Variants in CCDC6 observed in about 807,000 individuals in gnomAD.
CCDC6 encodes coiled-coil domain-containing protein 6.
A neutral mutation model predicts 56.6 loss-of-function variants in CCDC6; 20 were observed. That is an observed-to-expected ratio of 0.35 (90% confidence interval 0.25 to 0.51). The LOEUF (loss-of-function observed/expected upper bound fraction) is 0.51, where lower values mean the gene tolerates loss of function less well. Ranked by LOEUF, CCDC6 falls within the 20% of genes least tolerant of loss-of-function variation. The pLI is 0.95. For synonymous variants in CCDC6, 241 were observed against 234.4 expected, an observed-to-expected ratio of 1.03 and a Z score of -0.26; for missense variants, 367 against 601.1, an observed-to-expected ratio of 0.61 and a Z score of 4.07.
At chr10:59,797,307 T>C (rs553831220) in intron 7 of CCDC6, among the ~76,000 whole-genome samples, 2 of 152,058 alleles carry the variant, frequency 1.3e-5, no homozygotes, top group African/African-American at 4.8e-5. Flanking sequence ...CACAACATTA[T>C]ACTACAGTTA....
chr10:59,862,913 GAAGA>G (rs1286550793), intron 1 of CCDC6, among the ~76,000 whole-genome samples: 1 of 152,038 alleles, frequency 6.6e-6, no homozygotes, highest in East Asian at 1.9e-4. Flanking sequence ...TCCATGTATA[GAAGA>G]AAGCAGTTGT....
intron 7 of CCDC6, among the ~76,000 whole-genome samples, chr10:59,801,995 A>G (rs2070580439): frequency 6.6e-6 from 1 of 152,118 alleles, no homozygotes; most frequent in Non-Finnish European, 1.5e-5. Context: ...ATCGAAACCA[A>G]TGTCTGTGGG....
chr10:59,834,839 G>A (rs2070868088), intron 2 of CCDC6, among the ~76,000 whole-genome samples: 1 of 152,136 alleles, frequency 6.6e-6, no homozygotes, highest in South Asian at 2.1e-4. Context: ...AACAAGAAGA[G>A]TTCCCAGCAC....
Position 59,791,337 on chromosome 10 carries a change from T to A in CCDC6, c.*1580A>T, listed in dbSNP as rs140235548. ...TACTCTCAAGTTCTTAAAACGCTAG[T>A]CAAACACTATTATCCAACAAGACTT... On this transcript the variant is annotated 3_prime_UTR_variant, in exon 9 of 9. Coordinates refer to ENST00000263102, the MANE Select transcript of CCDC6 (RefSeq NM_005436.5). 1.7e-4 allele frequency: 34 copies of A among 200,434 alleles called. No homozygotes were observed. The highest frequency in any genetic ancestry group is 5.8e-4 in the South Asian group (3 of 5,208). 12.4% of individuals were successfully genotyped at this position (200,434 alleles called of 1,614,324 possible).
At position 59,906,488 on chromosome 10, in the gene CCDC6, T is replaced by A; in HGVS notation, c.-64A>T. The A allele has an allele frequency of 7.4e-7, 1 of 1,346,228 alleles. No homozygotes were observed. The highest frequency in any genetic ancestry group is 9.7e-7 in the Non-Finnish European group (1 of 1,033,394). The allele number at this position is 1,346,228 out of a possible 1,614,324, so 83.4% of individuals were successfully genotyped here. A position where few individuals can be genotyped will look rare whatever the true frequency, so the allele number is the denominator to read the frequency against. On this transcript the variant is annotated 5_prime_UTR_variant, in exon 1 of 9. Coordinates refer to ENST00000263102, the MANE Select transcript of CCDC6 (RefSeq NM_005436.5). The stretch of plus-strand genomic sequence containing the variant: ...GAGGCGGCGGCGACGAAGGCCGGGC[T>A]GCGAATGAGTGGGCGCCGGGCGAGC...
At chr10:59,883,485 G>A (rs988827963) in intron 1 of CCDC6, among the ~76,000 whole-genome samples, 16 of 152,188 alleles carry the variant, frequency 1.1e-4, no homozygotes, top group African/African-American at 3.4e-4. Flanking sequence ...TCTCCCTCTC[G>A]CACTGTATTT....
intron 5 of CCDC6, among the ~76,000 whole-genome samples, chr10:59,810,624 T>G (rs1019784979): frequency 1.3e-5 from 2 of 152,210 alleles, no homozygotes; most frequent in Admixed American, 6.5e-5. Context: ...ATATCTCATT[T>G]GATTTCCACC....
At chr10:59,800,612 G>GTTT (rs34676439) in intron 7 of CCDC6, among the ~76,000 whole-genome samples, 99 of 145,238 alleles carry the variant, frequency 6.8e-4, no homozygotes, top group African/African-American at 2.1e-3. Context: ...TTGTATTAAA[G>GTTT]TTTTTTTTTT....
intron 1 of CCDC6, among the ~76,000 whole-genome samples, chr10:59,884,325 G>T (rs76954584): frequency 1.3e-5 from 2 of 152,136 alleles, no homozygotes; most frequent in Admixed American, 6.5e-5. Flanking sequence ...TCGAGACAGC[G>T]ACGACAATAA....
chr10:59,902,075 A>C (rs2071507220), intron 1 of CCDC6, among the ~76,000 whole-genome samples: 1 of 152,226 alleles, frequency 6.6e-6, no homozygotes, highest in Non-Finnish European at 1.5e-5. Context: ...AGGGCAGGCT[A>C]TAACTCACAG....
intron 3 of CCDC6, among the ~76,000 whole-genome samples, chr10:59,823,671 T>C (rs1027017278): frequency 6.8e-6 from 1 of 147,214 alleles, no homozygotes; most frequent in Admixed American, 6.8e-5. Flanking sequence ...TGATGTTCTT[T>C]ATCCAAAATG....
At chr10:59,793,859 G>A (rs2070489508) in intron 8 of CCDC6, among the ~76,000 whole-genome samples, 1 of 151,722 alleles carries the variant, frequency 6.6e-6, no homozygotes. Context: ...TGCATTCTTA[G>A]AATAGGGTTC....
chr10:59,896,655 T>C (rs2071466117), intron 1 of CCDC6, among the ~76,000 whole-genome samples: 2 of 150,422 alleles, frequency 1.3e-5, no homozygotes, highest in East Asian at 2.0e-4. Context: ...TCACTAGGAA[T>C]AGAGGTTTAC....
intron 1 of CCDC6, among the ~76,000 whole-genome samples, chr10:59,867,976 G>A (rs578227715): frequency 5.3e-4 from 80 of 152,242 alleles, no homozygotes; most frequent in African/African-American, 1.9e-3. Context: ...GATGTATTAT[G>A]TTTCCCTAAA....
At position 59,862,560 on chromosome 10, in the gene CCDC6, T is replaced by TACAC. The variant is rs1194847309; in HGVS notation, c.304-9859_304-9858insGTGT. On this transcript the variant is annotated intron_variant, in intron 1 of 8. Transcript: ENST00000263102. ...ACACACACACACACACACACACATA[T>TACAC]ATATACACATACACACACACACACA... 4.8e-3 allele frequency among the ~76,000 whole-genome samples: 414 copies of TACAC among 86,472 alleles called. 19 individuals carry two copies. The highest frequency in any genetic ancestry group is 9.6e-3 in the East Asian group (39 of 4,048). The allele number at this position is 86,472 out of a possible 152,430, so 56.7% of individuals were successfully genotyped here.
intron 1 of CCDC6, among the ~76,000 whole-genome samples, chr10:59,877,324 T>A (rs1014041548): frequency 3.3e-5 from 5 of 152,150 alleles, no homozygotes; most frequent in African/African-American, 1.2e-4. Context: ...TCTGCGATCA[T>A]CAATATGACT....
chr10:59,898,826 G>A (rs1034151499), intron 1 of CCDC6, among the ~76,000 whole-genome samples: 6 of 152,106 alleles, frequency 3.9e-5, no homozygotes, highest in African/African-American at 1.4e-4. Context: ...GCAGAGAGGG[G>A]AGACCAGAAA....
intron 3 of CCDC6, among the ~76,000 whole-genome samples, chr10:59,818,234 G>A (rs906485592): frequency 3.6e-4 from 55 of 152,214 alleles, no homozygotes; most frequent in African/African-American, 1.2e-3. Context: ...GGAAACAGAC[G>A]AGATCAGGAA....
rs34505959 is a variant in CCDC6, at chr10:59,798,991, CAAAAAAAAA to C, written c.1106-4403_1106-4395del. The stretch of plus-strand genomic sequence containing the variant: ...CCTGCGCGACAGAGCAAGACTGTTT[CAAAAAAAAA>C]AAAAAAAAAAAAAAAAGTGGATCCT... On this transcript the variant is annotated intron_variant, in intron 7 of 8. Coordinates refer to ENST00000263102, the MANE Select transcript of CCDC6 (RefSeq NM_005436.5). 1.0e-3 allele frequency among the ~76,000 whole-genome samples: 77 copies of C among 76,978 alleles called. 1 individual carries two copies. The highest frequency in any genetic ancestry group is 2.2e-3 in the South Asian group (4 of 1,808). The allele number at this position is 76,978 out of a possible 152,430, so 50.5% of individuals were successfully genotyped here.
Sources: allele counts gnomAD v4.1 joint callset (sites outside exome capture counted in the v4.1 genomes callset), GRCh38; gene constraint gnomAD v4.1.1; transcripts MANE v1.5; gene names NCBI Gene and HGNC (gene_info 2026-07-23, HGNC 2026-07-21).